The following OLA1 variants were observed in gnomAD, a reference collection of about 807,000 sequenced individuals.
OLA1 encodes the protein obg-like ATPase 1.
In OLA1, 14 loss-of-function variants were observed where a neutral mutation model predicts 48.4. The ratio of observed to expected loss-of-function variants is 0.29; its 90% CI spans 0.19 to 0.45. The LOEUF (loss-of-function observed/expected upper bound fraction) is 0.45. Among genes scored for constraint, OLA1 ranks in the 20% least tolerant of loss-of-function variants. The pLI, the probability that OLA1 is intolerant of heterozygous loss-of-function variation, is 1.00. For missense variants in OLA1, 325 were observed against 467.1 expected (o/e 0.70, Z 2.80); for synonymous variants, 127 against 150.4 (o/e 0.84, Z 1.14).
chr2:174,143,940 A>T (rs1001068787), intron 4 of OLA1, among the ~76,000 whole-genome samples: 2 of 152,092 alleles, frequency 1.3e-5, no homozygotes, highest in African/African-American at 4.8e-5. Context: ...TCTCTACAAG[A>T]AATTTTTAAA....
At chr2:174,204,242 T>G (rs1372027498) in intron 4 of OLA1, among the ~76,000 whole-genome samples, 1 of 151,670 alleles carries the variant, frequency 6.6e-6, no homozygotes, top group African/African-American at 2.4e-5. Flanking sequence ...TCCACTAAAA[T>G]TACAAAAAAT....
At chr2:174,226,271 A>T (rs921382878) in intron 3 of OLA1, among the ~76,000 whole-genome samples, 2 of 152,156 alleles carry the variant, frequency 1.3e-5, no homozygotes, top group Non-Finnish European at 2.9e-5. Flanking sequence ...TAAGGTTTAA[A>T]CTATTAATAC....
chr2:174,171,646 A>C (rs1285314069), intron 4 of OLA1, among the ~76,000 whole-genome samples: 1 of 152,252 alleles, frequency 6.6e-6, no homozygotes, highest in Non-Finnish European at 1.5e-5. Context: ...ACTTTAAATA[A>C]TCATATTAGA....
intron 2 of OLA1, among the ~76,000 whole-genome samples, chr2:174,244,955 A>G (rs1689095222): frequency 1.3e-5 from 2 of 152,108 alleles, no homozygotes; most frequent in Non-Finnish European, 2.9e-5. Flanking sequence ...AATATTTTTG[A>G]TTTGAGATTG....
chr2:174,231,674 T>C (rs1688731862), intron 2 of OLA1, among the ~76,000 whole-genome samples: 1 of 152,098 alleles, frequency 6.6e-6, no homozygotes, highest in Non-Finnish European at 1.5e-5. Context: ...AGAAGACAAA[T>C]ATCCATATTC....
At chr2:174,245,479 T>C (rs1171864213) in intron 2 of OLA1, among the ~76,000 whole-genome samples, 1 of 152,214 alleles carries the variant, frequency 6.6e-6, no homozygotes, top group Non-Finnish European at 1.5e-5. Flanking sequence ...TTGCCACCAA[T>C]CTAAAAGGCC....
chr2:174,199,497 T>A (rs1215134144), intron 4 of OLA1, among the ~76,000 whole-genome samples: 1 of 152,224 alleles, frequency 6.6e-6, no homozygotes, highest in Non-Finnish European at 1.5e-5. Context: ...AAATTATAAT[T>A]TTTGAAAATG....
At chr2:174,146,004 C>T (rs1371975256) in intron 4 of OLA1, among the ~76,000 whole-genome samples, 7 of 152,174 alleles carry the variant, frequency 4.6e-5, no homozygotes, top group South Asian at 2.1e-4. Context: ...TCTGAGATGA[C>T]ATCTGAGCCA....
chr2:174,114,154 C>T (rs950982125), intron 7 of OLA1, among the ~76,000 whole-genome samples: 11 of 137,340 alleles, frequency 8.0e-5, no homozygotes, highest in Admixed American at 8.0e-4. Context: ...CGGTGAAACC[C>T]TGTCTCTACT....
chr2:174,123,277 T>C lies in OLA1; in HGVS notation c.631A>G (p.Ile211Val). 10 of 1,431,154 alleles carry C rather than the reference T, an allele frequency of 7.0e-6. No individual in the cohort carries two copies. The highest frequency in any genetic ancestry group is 8.7e-6 in the Non-Finnish European group (9 of 1,036,604). The allele number at this position is 1,431,154 out of a possible 1,614,324, so 88.7% of individuals were successfully genotyped here. ...RFYHDWNDKE[I>V]EVLNKHLFLT... ...AATAAGTGTTTATTCAACACTTCAA[T>C]CTAAAGTGGGAGATGGAGAAAGAAT... The change falls in exon 7 of 11, where the codon ATT (isoleucine) becomes GTT (valine). Residue 211 changes from isoleucine to valine, a missense_variant and splice_region_variant. Coordinates refer to ENST00000284719, the MANE Select transcript of OLA1 (RefSeq NM_013341.5).
At chr2:174,224,508 C>T (rs933484816) in intron 3 of OLA1, among the ~76,000 whole-genome samples, 1 of 152,102 alleles carries the variant, frequency 6.6e-6, no homozygotes, top group African/African-American at 2.4e-5. Flanking sequence ...TGGTGGCATA[C>T]ATCTGTAGTC....
intron 7 of OLA1, among the ~76,000 whole-genome samples, chr2:174,111,178 A>C (rs1342059587): frequency 6.6e-6 from 1 of 152,216 alleles, no homozygotes; most frequent in Non-Finnish European, 1.5e-5. Context: ...CAAGGGCTAT[A>C]AGGCAACTAA....
intron 4 of OLA1, chr2:174,217,960 T>C (rs1385214325): frequency 6.6e-6 from 1 of 152,184 alleles, no homozygotes; most frequent in African/African-American, 2.4e-5. Flanking sequence ...AAGCTTCACC[T>C]AGACAGCAGA....
At chr2:174,137,584 A>T (rs180809395) in intron 5 of OLA1, among the ~76,000 whole-genome samples, 4 of 152,252 alleles carry the variant, frequency 2.6e-5, no homozygotes, top group East Asian at 1.9e-4. Context: ...TGTTGTTTTC[A>T]TTGTCTTCAT....
intron 7 of OLA1, among the ~76,000 whole-genome samples, chr2:174,119,081 C>T (rs1685849461): frequency 6.6e-6 from 1 of 151,086 alleles, no homozygotes; most frequent in African/African-American, 2.4e-5. Flanking sequence ...TGCAAAAGTA[C>T]ATTTGACCAA....
chr2:174,135,075 G>A (rs1490123688), intron 5 of OLA1, among the ~76,000 whole-genome samples: 1 of 149,862 alleles, frequency 6.7e-6, no homozygotes, highest in Non-Finnish European at 1.5e-5. Flanking sequence ...CAGGAGACTG[G>A]CATGAACCCG....
chr2:174,236,984 T>C (rs1347456312), intron 2 of OLA1, among the ~76,000 whole-genome samples: 1 of 151,968 alleles, frequency 6.6e-6, no homozygotes, highest in South Asian at 2.1e-4. Context: ...ACACTAAAAT[T>C]ATTTTTTAAT....
chr2:174,109,584 C>T (rs10497420), intron 7 of OLA1, among the ~76,000 whole-genome samples: 17,187 of 152,094 alleles, frequency 0.11, 2,281 homozygotes, highest in East Asian at 0.72. Context: ...TCTTTGAATA[C>T]GGGAAAGGAA....
chr2:174,117,935 T>C (rs1045637996), intron 7 of OLA1, among the ~76,000 whole-genome samples: 2 of 152,132 alleles, frequency 1.3e-5, no homozygotes, highest in Admixed American at 6.5e-5. Context: ...TATAAAGAAA[T>C]ACCTGAGACT....
Sources: allele counts gnomAD v4.1 joint callset (sites outside exome capture counted in the v4.1 genomes callset), GRCh38; gene constraint gnomAD v4.1.1; transcripts MANE v1.5; gene names NCBI Gene and HGNC (gene_info 2026-07-23, HGNC 2026-07-21).